ZNF610: variants seen among roughly 807,000 people sequenced by gnomAD.
ZNF610 encodes zinc finger protein 610.
A neutral mutation model predicts 14.1 loss-of-function variants in ZNF610; 14 were observed. The ratio of observed to expected loss-of-function variants is 0.99; its 90% confidence interval spans 0.65 to 1.55. The LOEUF is 1.55. ZNF610 is among the 40% of genes most tolerant of loss of function. The probability of loss-of-function intolerance (pLI) is 0.00; values close to 1 mark genes in which losing one functional copy is unlikely to be tolerated. For missense variants in ZNF610, 530 were observed against 558.0 expected, an observed-to-expected ratio of 0.95 and a Z score of 0.51; for synonymous variants, 185 against 187.6, an observed-to-expected ratio of 0.99 and a Z score of 0.11.
At chr19:52,348,394 G>A (rs1985067754) in intron 2 of ZNF610, among the ~76,000 whole-genome samples, 1 of 151,934 alleles carries the variant, frequency 6.6e-6, no homozygotes, top group Non-Finnish European at 1.5e-5. Flanking sequence ...GTTACTTTTT[G>A]GTTTCTTTCC....
chr19:52,366,777 A>T lies in ZNF610; in HGVS notation c.*10A>T. The T allele has an allele frequency of 9.4e-6, 15 of 1,594,734 alleles. No individual in the cohort carries two copies. Among genetic ancestry groups the T allele is most frequent in the Non-Finnish European group, 1.3e-5 (15 of 1,166,864 alleles). ...CTTACAGATGGAATGAATGTGGCAAAATCTTTAGTTAGAATTCACACCTAG... is the reference window on the plus strand; with the variant it reads ...CTTACAGATGGAATGAATGTGGCAATATCTTTAGTTAGAATTCACACCTAG... On this transcript the variant is annotated 3_prime_UTR_variant, in exon 6 of 6. Coordinates refer to ENST00000403906, the MANE Select transcript of ZNF610 (RefSeq NM_001161425.2).
intron 1 of ZNF610, among the ~76,000 whole-genome samples, chr19:52,342,009 A>G (rs186737004): frequency 4.0e-5 from 6 of 151,882 alleles, no homozygotes; most frequent in Non-Finnish European, 5.9e-5. Flanking sequence ...GGGTCTTGCT[A>G]TGTTGCCTAG....
At chr19:52,346,247 G>A (rs890202999) in intron 1 of ZNF610, among the ~76,000 whole-genome samples, 1 of 150,432 alleles carries the variant, frequency 6.6e-6, no homozygotes, top group African/African-American at 2.5e-5. Context: ...TCACTGCAAC[G>A]TCTGCCTTCC....
At chr19:52,343,162 C>A (rs772311145) in intron 1 of ZNF610, among the ~76,000 whole-genome samples, 6 of 152,078 alleles carry the variant, frequency 3.9e-5, no homozygotes, top group Non-Finnish European at 7.4e-5. Flanking sequence ...TGAGGGACAC[C>A]CTGTACTTTC....
intron 5 of ZNF610, among the ~76,000 whole-genome samples, chr19:52,363,460 G>A (rs1477061668): frequency 1.3e-5 from 2 of 152,074 alleles, no homozygotes; most frequent in Non-Finnish European, 2.9e-5. Flanking sequence ...TGAAAATGAA[G>A]TATTGAAGTC....
chr19:52,348,326 T>A (rs1412231734), intron 2 of ZNF610: 3 of 152,258 alleles, frequency 2.0e-5, no homozygotes, highest in Non-Finnish European at 4.4e-5. Context: ...TTAATGAAAT[T>A]TATAAATGCT....
At chr19:52,361,679 C>T (rs1448682460) in intron 5 of ZNF610, among the ~76,000 whole-genome samples, 5 of 151,184 alleles carry the variant, frequency 3.3e-5, no homozygotes, top group Non-Finnish European at 5.9e-5. Context: ...AGGCTGATCT[C>T]GAACTCCTGA....
chr19:52,334,960 A>ACACACATACACACACACAG (rs59969071), upstream of ZNF610, among the ~76,000 whole-genome samples: 1 of 136,454 alleles, frequency 7.3e-6, no homozygotes, highest in Admixed American at 7.2e-5. Flanking sequence ...CACACACACA[A>ACACACATACACACACACAG]TGTAATTTAC....
In ZNF610 at chr19:52,365,707, G is replaced by C. The variant is rs764972881; in HGVS notation, c.329G>C (p.Cys110Ser). The stretch of plus-strand genomic sequence containing the variant: ...CTTTCTTCTTTTCTAGGGAGGAGCT[G>C]TGTATTGGGAAGCAATGCAGAAAAC... ...CVRSVNTGRS[C>S]VLGSNAENKP... The change falls in exon 6 of 6, where the codon TGT (cysteine) becomes TCT (serine). Residue 110 changes from cysteine (C) to serine (S), a missense_variant. Coordinates refer to ENST00000403906, the MANE Select transcript of ZNF610 (RefSeq NM_001161425.2). 5.0e-6 allele frequency: 8 copies of C among 1,605,752 alleles called. No homozygotes were observed. Among genetic ancestry groups the C allele is most frequent in the Non-Finnish European group, 6.8e-6 (8 of 1,177,016 alleles).
upstream of ZNF610, among the ~76,000 whole-genome samples, chr19:52,333,398 A>G (rs1190211469): frequency 6.6e-6 from 1 of 152,182 alleles, no homozygotes; most frequent in East Asian, 1.9e-4. Flanking sequence ...AGACACAGGC[A>G]AAGCCTAAGA....
chr19:52,345,512 T>G (rs1201818233), intron 1 of ZNF610: 2 of 151,704 alleles, frequency 1.3e-5, no homozygotes, highest in Admixed American at 6.6e-5. Context: ...AATAAGTGGT[T>G]GGAACTGATA....
At chr19:52,331,402 G>A (rs1196837052), upstream of ZNF610, among the ~76,000 whole-genome samples, 1 of 152,160 alleles carries the variant, frequency 6.6e-6, no homozygotes, top group African/African-American at 2.4e-5. Context: ...AAGAGTCTGA[G>A]AATCTGTTAG....
intron 5 of ZNF610, among the ~76,000 whole-genome samples, chr19:52,358,512 G>C (rs1175641445): frequency 6.6e-6 from 1 of 152,124 alleles, no homozygotes; most frequent in Non-Finnish European, 1.5e-5. Flanking sequence ...CAGGTTACTG[G>C]TTTTCTGATT....
chr19:52,354,580 A>ATTTT (rs201439857), intron 5 of ZNF610, among the ~76,000 whole-genome samples: 43 of 123,654 alleles, frequency 3.5e-4, no homozygotes, highest in Non-Finnish European at 4.6e-4. Context: ...AAGCCATACT[A>ATTTT]TTTTTTTTTT....
rs746520931 is a variant in ZNF610, at chr19:52,366,108, A to G, written c.730A>G (p.Asn244Asp). 1.6e-5 allele frequency: 26 copies of G among 1,613,712 alleles called. No homozygotes were observed. In the Middle Eastern group the frequency reaches 6.6e-4, roughly 41 times the overall value. Residue 244 changes from asparagine (N) to aspartate (D), a missense_variant, in exon 6 of 6, where the codon AAT becomes GAT. Transcript: ENST00000403906. ...TGAATGTGGCAAGGTCTTCAGTCGC[A>G]ATTCACACCTTGTAGAACATTGGAG... ...CTECGKVFSRNSHLVEHWRIH... is the reference protein window; with the variant it reads ...CTECGKVFSRDSHLVEHWRIH...
Position 52,353,801 on chromosome 19 carries a change from C to G in ZNF610, c.183C>G (p.Val61=). The G allele has an allele frequency of 1.2e-6, 2 of 1,611,816 alleles. No individual in the cohort carries two copies. Among genetic ancestry groups the G allele is most frequent in the Non-Finnish European group, 1.7e-6 (2 of 1,179,318 alleles). Residue 61 remains valine (V), a synonymous_variant, in exon 4 of 6, where the codon GTC becomes GTG. Coordinates refer to ENST00000403906, the MANE Select transcript of ZNF610 (RefSeq NM_001161425.2). ...DVMLENYRNL[V]FLGICLPDLS... ...TGTTGGAGAACTACAGGAACCTGGT[C>G]TTTCTGGGTGAGGATGACTTCCCTC...
chr19:52,349,233 C>A lies in ZNF610; in HGVS notation c.61C>A (p.Gln21Lys). 6.2e-7 allele frequency: 1 copy of A among 1,612,990 alleles called. No homozygotes were observed. Among genetic ancestry groups the A allele is most frequent in the Non-Finnish European group, 8.5e-7 (1 of 1,179,818 alleles). Reference protein sequence around the residue: ...KAKESGMALPQGRLTFMDVAI... With the variant: ...KAKESGMALPKGRLTFMDVAI... ...AAAGGAGTCAGGGATGGCTCTTCCT[C>A]AGGTAAAGTGATATTCTCGGTGGTT... is the stretch of plus-strand genomic sequence containing the variant. Residue 21 changes from glutamine (Q) to lysine (K), a missense_variant and splice_region_variant, in exon 3 of 6, where the codon CAG (glutamine) becomes AAG (lysine). Physicochemically the swap from Gln to Lys is moderately conservative, Grantham distance 53. Transcript: ENST00000403906.
chr19:52,340,825 C>T (rs1008105146), intron 1 of ZNF610, among the ~76,000 whole-genome samples: 1 of 152,074 alleles, frequency 6.6e-6, no homozygotes, highest in Admixed American at 6.5e-5. Context: ...GGACTACAGG[C>T]ACACGCCACC....
At position 52,366,614 on chromosome 19, in the gene ZNF610, A is replaced by G. The variant is rs752074084; in HGVS notation, c.1236A>G (p.Lys412=). The change falls in exon 6 of 6, where the codon AAA becomes AAG. Residue 412 remains lysine, a synonymous_variant. Transcript: ENST00000403906. ...AATGTGACAAAGTCTTTGGGCGCAA[A>G]TTATACCTAACCAACCATCAGAGAA... is the stretch of plus-strand genomic sequence containing the variant. ...CNECDKVFGR[K]LYLTNHQRIH... The G allele has an allele frequency of 1.2e-6, 2 of 1,614,214 alleles. No homozygotes were observed. The highest frequency in any genetic ancestry group is 2.2e-5 in the South Asian group (2 of 91,088).
Sources: allele counts gnomAD v4.1 joint callset (sites outside exome capture counted in the v4.1 genomes callset), GRCh38; gene constraint gnomAD v4.1.1; transcripts MANE v1.5; gene names NCBI Gene and HGNC (gene_info 2026-07-23, HGNC 2026-07-21).